ESR1: variants seen among roughly 807,000 people sequenced by gnomAD.
ESR1 encodes estrogen receptor.
In ESR1, 12 loss-of-function variants were observed where a neutral mutation model predicts 52.7. The ratio of observed to expected loss-of-function variants is 0.23; its 90% CI spans 0.15 to 0.37. The LOEUF is 0.37. Among genes scored for constraint, ESR1 ranks in the 10% least tolerant of loss-of-function variants. The pLI, the probability that ESR1 is intolerant of heterozygous loss-of-function variation, is 1.00. For missense variants in ESR1, 584 were observed against 779.7 expected (o/e 0.75, Z 2.99); for synonymous variants, 305 against 316.8 (o/e 0.96, Z 0.39).
At chr6:151,829,341 C>T (rs1330692601) in intron 1 of ESR1, among the ~76,000 whole-genome samples, 1 of 152,212 alleles carries the variant, frequency 6.6e-6, no homozygotes, top group Admixed American at 6.5e-5. Context: ...AAGTGTTTCT[C>T]CCCTTTTCTC....
At chr6:151,955,472 A>C (rs2036800835) in intron 4 of ESR1, among the ~76,000 whole-genome samples, 1 of 152,204 alleles carries the variant, frequency 6.6e-6, no homozygotes, top group Non-Finnish European at 1.5e-5. Flanking sequence ...TTCATAGCAA[A>C]AATAGGATAA....
chr6:151,944,596 A>G, intron 4 of ESR1, 88 bp downstream of exon 4: 1 of 1,186,332 alleles, frequency 8.4e-7, no homozygotes, highest in Non-Finnish European at 1.2e-6. Flanking sequence ...GGGAAAAAGA[A>G]GCAATAACAT....
At chr6:151,786,896 G>A (rs932030629) in intron 2 of ESR1, among the ~76,000 whole-genome samples, 2 of 152,162 alleles carry the variant, frequency 1.3e-5, no homozygotes, top group South Asian at 4.1e-4. Flanking sequence ...TGCAACCTCC[G>A]CCTCCCAGGT....
intron 5 of ESR1, among the ~76,000 whole-genome samples, chr6:152,057,417 T>C (rs9371575): frequency 0.22 from 33,388 of 152,080 alleles, 5,325 homozygotes; most frequent in African/African-American, 0.44. Flanking sequence ...CTTAGACCAA[T>C]TAAGTTGCTC....
At chr6:151,721,772 A>G (rs1307050495) in intron 2 of ESR1, among the ~76,000 whole-genome samples, 1 of 152,226 alleles carries the variant, frequency 6.6e-6, no homozygotes, top group Non-Finnish European at 1.5e-5. Context: ...TAATTGGTTT[A>G]CAGTTGTGAC....
chr6:151,928,177 G>A (rs1437542339), intron 3 of ESR1, among the ~76,000 whole-genome samples: 2 of 152,106 alleles, frequency 1.3e-5, no homozygotes, highest in African/African-American at 4.8e-5. Context: ...TTATGATGGG[G>A]TTGTGTCCCA....
At position 151,742,503 on chromosome 6, in the gene ESR1, A is replaced by G. The variant is rs369029389; in HGVS notation, c.-71+40498A>G. Among the ~76,000 whole-genome samples, 5 of 152,198 alleles carry G rather than the reference A, an allele frequency of 3.3e-5. No homozygotes were observed. The East Asian group carries it at 7.7e-4, about 23-fold the overall frequency. On this transcript the variant is annotated intron_variant, in intron 2 of 2. Coordinates refer to the ESR1 transcript ENST00000404742. The stretch of plus-strand genomic sequence containing the variant: ...ATGTGCTGAACAAACACAGCAGAGC[A>G]GTTACCAGCGCTAACTCTGGAACTG...
chr6:152,098,753 G>T lies in ESR1; in HGVS notation c.1575G>T (p.Leu525=), dbSNP rs757677276. 1.9e-6 allele frequency: 3 copies of T among 1,614,118 alleles called. No homozygotes were observed. The highest frequency in any genetic ancestry group is 2.5e-6 in the Non-Finnish European group (3 of 1,180,002). ...RHMSNKGMEH[L]YSMKCKNVVP... The stretch of plus-strand genomic sequence containing the variant: ...ACAGTAACAAAGGCATGGAGCATCT[G>T]TACAGCATGAAGTGCAAGAACGTGG... Residue 525 remains leucine (L), a synonymous_variant, in exon 8 of 8, where the codon CTG becomes CTT. Coordinates refer to ENST00000206249, the MANE Select transcript of ESR1 (RefSeq NM_000125.4). This position sits in a 1 kb window ranked among gnomAD's most constrained non-coding sequence, Gnocchi z 5.1.
chr6:152,023,718 T>C lies in ESR1; in HGVS notation c.1235+11924T>C, dbSNP rs1484713505. 3.9e-5 allele frequency among the ~76,000 whole-genome samples: 6 copies of C among 152,222 alleles called. No homozygotes were observed. In the East Asian group the frequency reaches 1.2e-3, roughly 29 times the overall value. Reference sequence around the variant, plus strand: ...TGAATTTATAACAATTTCCACTTAATTTATTTTCTCCAGCTTCTGTGGAGA... The same window carrying C: ...TGAATTTATAACAATTTCCACTTAACTTATTTTCTCCAGCTTCTGTGGAGA... On this transcript the variant is annotated intron_variant, in intron 5 of 7. Transcript: ENST00000206249.
chr6:152,112,040 AGT>A (rs2051152595), intron 6 of ESR1, among the ~76,000 whole-genome samples: 1 of 152,236 alleles, frequency 6.6e-6, no homozygotes. Flanking sequence ...AAAAACATTA[AGT>A]GGGTTTGTCA....
rs1456509633 is a variant in ESR1, at chr6:152,100,943, A to G, written c.*1977A>G. The G allele has an allele frequency of 4.4e-6, 1 of 229,342 alleles. No homozygotes were observed. The highest frequency in any genetic ancestry group is 2.2e-5 in the African/African-American group (1 of 44,988). 14.2% of individuals were successfully genotyped at this position (229,342 alleles called of 1,614,324 possible). On this transcript the variant is annotated 3_prime_UTR_variant, in exon 8 of 8. Coordinates refer to ENST00000206249, the MANE Select transcript of ESR1 (RefSeq NM_000125.4). The stretch of plus-strand genomic sequence containing the variant: ...ATAATATATATTTTTTTGAAATTAC[A>G]TTGCTTGTTTATCAGACAATTGAAT...
At chr6:152,010,637 C>T (rs973548389) in intron 4 of ESR1, among the ~76,000 whole-genome samples, 6 of 151,998 alleles carry the variant, frequency 3.9e-5, no homozygotes, top group African/African-American at 1.4e-4. Flanking sequence ...GTCACTTGAT[C>T]CAAATTCTCT....
intron 5 of ESR1, among the ~76,000 whole-genome samples, chr6:152,033,346 G>T (rs574393073): frequency 3.9e-5 from 6 of 152,206 alleles, no homozygotes; most frequent in African/African-American, 7.2e-5. Flanking sequence ...TACCATCAGA[G>T]TGAACAGGCA....
intron 2 of ESR1, among the ~76,000 whole-genome samples, chr6:151,754,326 A>T (rs1032400151): frequency 3.4e-4 from 50 of 145,048 alleles, no homozygotes; most frequent in Admixed American, 6.2e-4. Flanking sequence ...ATCTATTGCT[A>T]TTTTTTTTTT....
chr6:152,036,549 T>A (rs2045322757), intron 5 of ESR1, among the ~76,000 whole-genome samples: 1 of 152,172 alleles, frequency 6.6e-6, no homozygotes, highest in Non-Finnish European at 1.5e-5. Context: ...ATAATGGCAT[T>A]CCCTTTACCC....
intron 2 of ESR1, among the ~76,000 whole-genome samples, chr6:151,741,271 G>A (rs1783077069): frequency 2.0e-5 from 3 of 151,774 alleles, no homozygotes; most frequent in Admixed American, 6.6e-5. Context: ...GCTTAAATGT[G>A]TTGCACTATA....
At chr6:151,749,997 G>T (rs1783782622) in intron 2 of ESR1, among the ~76,000 whole-genome samples, 1 of 152,156 alleles carries the variant, frequency 6.6e-6, no homozygotes, top group South Asian at 2.1e-4. Flanking sequence ...TGACATGTCA[G>T]GTTTTAAATA....
rs1178031774 is a variant in ESR1, at chr6:152,100,927, A to AT, written c.*1968dup. The AT allele has an allele frequency of 1.7e-5, 4 of 229,530 alleles. No individual in the cohort carries two copies. Among genetic ancestry groups the AT allele is most frequent in the East Asian group, 6.3e-5 (1 of 15,970 alleles). 14.2% of individuals were successfully genotyped at this position (229,530 alleles called of 1,614,324 possible). On this transcript the variant is annotated 3_prime_UTR_variant, in exon 8 of 8. Transcript: ENST00000206249. ...AAGCACCTTATATAGTATAATATATATTTTTTTGAAATTACATTGCTTGTT... is the reference window on the plus strand; with the variant it reads ...AAGCACCTTATATAGTATAATATATATTTTTTTTGAAATTACATTGCTTGTT...
chr6:151,728,549 T>C (rs1782010918), intron 2 of ESR1, among the ~76,000 whole-genome samples: 1 of 152,230 alleles, frequency 6.6e-6, no homozygotes, highest in African/African-American at 2.4e-5. Context: ...GGCAGCTTTG[T>C]GGAGGTATAG....
Sources: gnomAD v4.1 joint callset for allele counts (sites outside exome capture counted in the v4.1 genomes callset) on GRCh38, gnomAD v4.1.1 for gene constraint, Gnocchi (gnomAD v3.1) non-coding constraint, MANE v1.5 for transcripts, NCBI Gene and HGNC (gene_info 2026-07-23, HGNC 2026-07-21) for gene names.